Variants in WWP2 observed in about 807,000 individuals in gnomAD.
WWP2 encodes NEDD4-like E3 ubiquitin-protein ligase WWP2.
WWP2 carries 57 observed loss-of-function variants against 121.0 expected under a neutral mutation model. That is an observed-to-expected ratio of 0.47 (90% CI 0.38 to 0.59). The LOEUF (loss-of-function observed/expected upper bound fraction) is 0.59. WWP2 is among the 20% of genes least tolerant of loss of function. The pLI, the probability that WWP2 is intolerant of heterozygous loss-of-function variation, is 0.00. For synonymous variants in WWP2, 449 were observed against 441.3 expected, an observed-to-expected ratio of 1.02 and a Z score of -0.22; for missense variants, 962 against 1,158.9, an observed-to-expected ratio of 0.83 and a Z score of 2.47.
chr16:69,910,429 G>A (rs2058362013), intron 9 of WWP2: 1 of 880,484 alleles, frequency 1.1e-6, no homozygotes, highest in South Asian at 5.3e-5. Flanking sequence ...TTTTTTTTTA[G>A]ACGGAGTCTC....
chr16:69,838,855 G>A (rs2056923826), intron 4 of WWP2: 1 of 985,324 alleles, frequency 1.0e-6, no homozygotes, highest in African/African-American at 1.7e-5. Context: ...ATTAAGGGAA[G>A]GTAGAGCGCT....
intron 4 of WWP2, chr16:69,838,861 G>T: frequency 2.0e-6 from 2 of 985,444 alleles, no homozygotes; most frequent in South Asian, 4.7e-5. Flanking sequence ...GGAAGGTAGA[G>T]CGCTTAGGAG....
chr16:69,850,182 T>G (rs1025740688), intron 6 of WWP2, among the ~76,000 whole-genome samples: 7 of 151,958 alleles, frequency 4.6e-5, no homozygotes, highest in East Asian at 1.9e-4. Context: ...GTCAGGAGAT[T>G]GAGACCATCC....
intron 7 of WWP2, among the ~76,000 whole-genome samples, chr16:69,887,284 C>G (rs1471967570): frequency 6.6e-6 from 1 of 152,176 alleles, no homozygotes; most frequent in African/African-American, 2.4e-5. Context: ...TTTTCTGCCT[C>G]TTTAGTGTGT....
chr16:69,822,814 A>G (rs1335096334), intron 4 of WWP2, among the ~76,000 whole-genome samples: 2 of 152,184 alleles, frequency 1.3e-5, no homozygotes, highest in African/African-American at 4.8e-5. Context: ...TGTATAATTT[A>G]GAATTTGCTA....
In WWP2 at chr16:69,939,867, A is replaced by T; in HGVS notation, c.2540A>T (p.Tyr847Phe). Residue 847 changes from tyrosine to phenylalanine, a missense_variant, in exon 24 of 24, where the codon TAC becomes TTC. Tyr to Phe is a conservative substitution (Grantham distance 22, BLOSUM62 3). Coordinates refer to ENST00000359154, the MANE Select transcript of WWP2 (RefSeq NM_001270454.2). ...TCFNRLDLPP[Y>F]KSYEQLREKL... ...TTCAACCGTCTGGATCTTCCACCCT[A>T]CAAGAGCTACGAACAGCTGAGAGAG... The T allele has an allele frequency of 6.2e-7, 1 of 1,613,868 alleles. No homozygotes were observed. The highest frequency in any genetic ancestry group is 8.5e-7 in the Non-Finnish European group (1 of 1,179,904).
rs55923742 is a variant in WWP2 at position 69,783,780 on chromosome 16, T to TACAACAACA, written c.-15-3199_-15-3191dup. Among the ~76,000 whole-genome samples the TACAACAACA allele has an allele frequency of 5.0e-3, 744 of 149,826 alleles. 11 individuals are homozygous for TACAACAACA. The highest frequency in any genetic ancestry group is 0.028 in the Admixed American group (410 of 14,846). On this transcript the variant is annotated intron_variant, in intron 1 of 23. Transcript: ENST00000359154. The stretch of plus-strand genomic sequence containing the variant: ...GGGCAACGTAGTGAGACCTTGTTTC[T>TACAACAACA]ACAACAACAACAACAACAACAACAA...
chr16:69,870,298 CTTT>C (rs5817675), intron 6 of WWP2, among the ~76,000 whole-genome samples: 2,769 of 122,840 alleles, frequency 0.023, 86 homozygotes, highest in African/African-American at 0.078. Context: ...TTTATTTATC[CTTT>C]TTTTTTTTTT....
At chr16:69,828,389 A>G (rs988795373) in intron 4 of WWP2, among the ~76,000 whole-genome samples, 3 of 151,966 alleles carry the variant, frequency 2.0e-5, no homozygotes, top group East Asian at 1.9e-4. Flanking sequence ...TCTTTGAGAC[A>G]TAGTTTCGCT....
rs150590735 is a variant in WWP2 at position 69,869,331 on chromosome 16, C to T, written c.576-2473C>T. On this transcript the variant is annotated intron_variant, in intron 6 of 23. Transcript: ENST00000359154. ...GTATGAGGGACTCCAGAGTTTGCTA[C>T]GTTTCTCCCTTTTTCTCCTTTTTTT... Among the ~76,000 whole-genome samples the T allele has an allele frequency of 4.1e-3, 611 of 150,822 alleles. 8 individuals are homozygous for T. Among genetic ancestry groups the T allele is most frequent in the Non-Finnish European group, 7.1e-3 (479 of 67,832 alleles).
intron 9 of WWP2, chr16:69,909,101 G>C (rs992085381): frequency 8.2e-7 from 1 of 1,219,060 alleles, no homozygotes; most frequent in African/African-American, 1.5e-5. Flanking sequence ...GATGCATTCC[G>C]CCGTACCCTA....
intron 8 of WWP2, among the ~76,000 whole-genome samples, chr16:69,906,109 G>C (rs575499365): frequency 9.5e-5 from 14 of 146,722 alleles, no homozygotes; most frequent in African/African-American, 3.3e-4. Flanking sequence ...GTCTTGCTCT[G>C]TCGCCCAGAC....
chr16:69,871,570 A>G, intron 6 of WWP2: 1 of 464,948 alleles, frequency 2.2e-6, no homozygotes, highest in Middle Eastern at 5.6e-4. Context: ...GGATTTGTTT[A>G]CTTGAAGTGG....
At chr16:69,870,124 T>G (rs547841536) in intron 6 of WWP2, among the ~76,000 whole-genome samples, 2 of 152,320 alleles carry the variant, frequency 1.3e-5, no homozygotes, top group South Asian at 4.1e-4. Context: ...TCTCTGTGTC[T>G]GTTTGCTTAT....
intron 7 of WWP2, among the ~76,000 whole-genome samples, chr16:69,879,980 A>G (rs1051208890): frequency 6.6e-5 from 10 of 151,498 alleles, no homozygotes; most frequent in African/African-American, 2.4e-4. Context: ...GTTCTTATCT[A>G]TAAAATGAGA....
intron 4 of WWP2, among the ~76,000 whole-genome samples, chr16:69,826,698 T>G (rs1401627475): frequency 2.9e-5 from 4 of 138,628 alleles, no homozygotes; most frequent in East Asian, 4.1e-4. Context: ...GCTAACATGG[T>G]GAAACCCTCT....
intron 10 of WWP2, among the ~76,000 whole-genome samples, chr16:69,924,114 G>T (rs1249594477): frequency 2.0e-5 from 3 of 152,242 alleles, no homozygotes; most frequent in Non-Finnish European, 4.4e-5. Flanking sequence ...GCTCCGTCCT[G>T]TCAAGAGCCT....
Position 69,789,565 on chromosome 16 carries a change from G to A in WWP2, c.70+2485G>A, listed in dbSNP as rs148636331. On this transcript the variant is annotated intron_variant, in intron 2 of 23. Transcript: ENST00000359154. The stretch of plus-strand genomic sequence containing the variant: ...AAATTCTTTCCTGCAGTCCTTCAGT[G>A]CTCCTCCTTGGAAAAAACCAGTATT... Among the ~76,000 whole-genome samples the A allele has an allele frequency of 5.3e-5, 8 of 152,190 alleles. No homozygotes were observed. In the East Asian group the frequency reaches 1.5e-3, roughly 29 times the overall value.
intron 4 of WWP2, among the ~76,000 whole-genome samples, chr16:69,807,641 A>G (rs1019095054): frequency 1.3e-4 from 20 of 149,574 alleles, no homozygotes; most frequent in African/African-American, 3.4e-4. Context: ...AAAAAAAAAA[A>G]AAAGAAAAGA....
Sources: allele counts gnomAD v4.1 joint callset (sites outside exome capture counted in the v4.1 genomes callset), GRCh38; gene constraint gnomAD v4.1.1; transcripts MANE v1.5; gene names NCBI Gene and HGNC (gene_info 2026-07-23, HGNC 2026-07-21).